The following GTF2F2 variants were observed in gnomAD, a reference collection of about 807,000 sequenced individuals.
The protein encoded by GTF2F2 is general transcription factor IIF subunit 2, also known as ATP-dependent helicase GTF2F2.
In GTF2F2, 23 loss-of-function variants were observed where a neutral mutation model predicts 42.2. That is an observed-to-expected ratio of 0.55 (90% CI 0.39 to 0.77). The LOEUF (loss-of-function observed/expected upper bound fraction) is 0.77. Ranked by LOEUF, GTF2F2 falls within the 30% of genes least tolerant of loss-of-function variation. GTF2F2 has a pLI of 0.00. For synonymous variants in GTF2F2, 105 were observed against 100.8 expected, an observed-to-expected ratio of 1.04 and a Z score of -0.25; for missense variants, 261 against 287.2, an observed-to-expected ratio of 0.91 and a Z score of 0.66.
chr13:45,231,648 T>C (rs995974971), intron 5 of GTF2F2, among the ~76,000 whole-genome samples: 4 of 152,200 alleles, frequency 2.6e-5, no homozygotes, highest in Admixed American at 2.6e-4. Context: ...GAAGGTCTTT[T>C]CCTTGAAAGG....
At chr13:45,124,328 C>T (rs548266424) in intron 1 of GTF2F2, among the ~76,000 whole-genome samples, 203 of 151,748 alleles carry the variant, frequency 1.3e-3, no homozygotes, top group African/African-American at 4.7e-3. Flanking sequence ...GTGATCCACC[C>T]GCCTCTGCCT....
intron 4 of GTF2F2, among the ~76,000 whole-genome samples, chr13:45,154,739 T>C (rs1593459025): frequency 6.6e-6 from 1 of 152,224 alleles, no homozygotes; most frequent in Non-Finnish European, 1.5e-5. Context: ...ATATAATGAA[T>C]GCTCAAATAT....
chr13:45,144,457 C>CTTTTTTTTTT (rs11326737), intron 2 of GTF2F2, among the ~76,000 whole-genome samples: 6 of 74,040 alleles, frequency 8.1e-5, no homozygotes, highest in African/African-American at 1.1e-4. Context: ...TTTTTTTGGT[C>CTTTTTTTTTT]TTTTTTTTTT....
At chr13:45,268,769 T>A (rs565851927) in intron 7 of GTF2F2, among the ~76,000 whole-genome samples, 1 of 152,126 alleles carries the variant, frequency 6.6e-6, no homozygotes, top group African/African-American at 2.4e-5. Flanking sequence ...AAAAATTAGA[T>A]ATGGAAAATA....
At chr13:45,206,634 A>C (rs936915355) in intron 4 of GTF2F2, 1 of 152,198 alleles carries the variant, frequency 6.6e-6, no homozygotes, top group Admixed American at 6.5e-5. Flanking sequence ...AGACATTTAT[A>C]TGTGTATTAT....
chr13:45,124,183 A>G (rs1394461683), intron 1 of GTF2F2: 4 of 455,500 alleles, frequency 8.8e-6, no homozygotes, highest in Non-Finnish European at 1.7e-5. Context: ...CGTGGGTTCA[A>G]GCGATTCTCC....
intron 2 of GTF2F2, among the ~76,000 whole-genome samples, chr13:45,141,876 A>C (rs2138107333): frequency 6.6e-6 from 1 of 152,308 alleles, no homozygotes; most frequent in South Asian, 2.1e-4. Flanking sequence ...TAAATCCACT[A>C]ACCAGAGCAA....
chr13:45,264,964 T>G (rs1284842034), intron 6 of GTF2F2, among the ~76,000 whole-genome samples: 1 of 152,068 alleles, frequency 6.6e-6, no homozygotes, highest in Non-Finnish European at 1.5e-5. Flanking sequence ...TTTCCTGAAT[T>G]TAACTTGAGA....
chr13:45,282,786 T>A (rs2138282719), intron 7 of GTF2F2, among the ~76,000 whole-genome samples: 1 of 152,348 alleles, frequency 6.6e-6, no homozygotes, highest in East Asian at 1.9e-4. Flanking sequence ...ATTACAGGCG[T>A]GAGCCACCAA....
intron 4 of GTF2F2, among the ~76,000 whole-genome samples, chr13:45,205,528 T>G (rs1303781155): frequency 1.3e-5 from 2 of 152,216 alleles, no homozygotes; most frequent in Admixed American, 1.3e-4. Flanking sequence ...ATTTTATTTA[T>G]TTAGTTTTTT....
At chr13:45,187,076 A>C (rs1261848718) in intron 4 of GTF2F2, among the ~76,000 whole-genome samples, 2 of 152,182 alleles carry the variant, frequency 1.3e-5, no homozygotes, top group African/African-American at 4.8e-5. Context: ...AATATGGAGT[A>C]GGTTTTAAAA....
In GTF2F2 at chr13:45,246,805, A is replaced by G. The variant is rs145138884; in HGVS notation, c.387-6066A>G. ...GTAATCCCAGCACTTTGGGAGGCCA[A>G]TGCGGGCGGATCACGAGGTCAGGAG... On this transcript the variant is annotated intron_variant, in intron 5 of 7. Coordinates refer to ENST00000340473, the MANE Select transcript of GTF2F2 (RefSeq NM_004128.3). Among the ~76,000 whole-genome samples the G allele has an allele frequency of 9.1e-3, 1,385 of 152,204 alleles. 28 individuals are homozygous for G. Among genetic ancestry groups the G allele is most frequent in the African/African-American group, 0.032 (1,310 of 41,530 alleles).
At chr13:45,201,710 T>C (rs987339784) in intron 4 of GTF2F2, among the ~76,000 whole-genome samples, 12 of 152,190 alleles carry the variant, frequency 7.9e-5, no homozygotes, top group African/African-American at 2.9e-4. Context: ...TAAGATTCTT[T>C]TGGTTGCAAG....
intron 1 of GTF2F2, among the ~76,000 whole-genome samples, chr13:45,130,300 AATG>A (rs1869275304): frequency 6.6e-6 from 1 of 152,234 alleles, no homozygotes; most frequent in East Asian, 1.9e-4. Context: ...TGCAAAATAG[AATG>A]ATGATAGGGC....
In GTF2F2 at chr13:45,207,404, CTTT is replaced by C; in HGVS notation, c.305-12_305-10del. The stretch of plus-strand genomic sequence containing the variant: ...AAATGATAAGTATTATCTCTGAATC[CTTT>C]TTTTTTTCCATTCAAGATAAGCTGT... On this transcript the variant is annotated splice_polypyrimidine_tract_variant and intron_variant, in intron 4 of 7. Transcript: ENST00000340473. 7.8e-7 allele frequency: 1 copy of C among 1,284,280 alleles called. No individual in the cohort carries two copies. The highest frequency in any genetic ancestry group is 1.1e-6 in the Non-Finnish European group (1 of 921,514). The allele number at this position is 1,284,280 out of a possible 1,614,324, so 79.6% of individuals were successfully genotyped here.
At chr13:45,234,990 A>G (rs1593507980) in intron 5 of GTF2F2, among the ~76,000 whole-genome samples, 2 of 136,684 alleles carry the variant, frequency 1.5e-5, no homozygotes, top group East Asian at 5.0e-4. Flanking sequence ...GCTTGCAGTG[A>G]GCCAAGATTG....
In GTF2F2 at chr13:45,181,388, A is replaced by G. The variant is rs187902039; in HGVS notation, c.305-26036A>G. 4.6e-5 allele frequency among the ~76,000 whole-genome samples: 7 copies of G among 152,192 alleles called. No homozygotes were observed. In the East Asian group the frequency reaches 1.3e-3, roughly 29 times the overall value. Reference sequence around the variant, plus strand: ...GGAGTCATTGCTTTTGCTGTAAAATAATGAGTCAGAGTAAAAGAGCTTAGT... The same window carrying G: ...GGAGTCATTGCTTTTGCTGTAAAATGATGAGTCAGAGTAAAAGAGCTTAGT... On this transcript the variant is annotated intron_variant, in intron 4 of 7. Transcript: ENST00000340473.
At chr13:45,195,660 C>T (rs754703686) in intron 4 of GTF2F2, among the ~76,000 whole-genome samples, 1 of 152,122 alleles carries the variant, frequency 6.6e-6, no homozygotes, top group Non-Finnish European at 1.5e-5. Context: ...CCTCTTTCCC[C>T]TATAACTTCC....
At chr13:45,268,216 C>G (rs1412101163) in intron 7 of GTF2F2, among the ~76,000 whole-genome samples, 1 of 152,060 alleles carries the variant, frequency 6.6e-6, no homozygotes, top group African/African-American at 2.4e-5. Flanking sequence ...ACCATTTTGT[C>G]TACTCTGCCG....
Sources: gnomAD v4.1 joint callset for allele counts (sites outside exome capture counted in the v4.1 genomes callset) on GRCh38, gnomAD v4.1.1 for gene constraint, MANE v1.5 for transcripts, NCBI Gene and HGNC (gene_info 2026-07-23, HGNC 2026-07-21) for gene names.